The following CC2D1A variants were observed in gnomAD, a reference collection of about 807,000 sequenced individuals.
CC2D1A encodes the protein coiled-coil and C2 domain containing 1A.
In CC2D1A, 68 loss-of-function variants were observed where a neutral mutation model predicts 123.8. That is an observed-to-expected ratio of 0.55 (90% CI 0.45 to 0.67). The LOEUF (loss-of-function observed/expected upper bound fraction) is 0.67, where lower values mean the gene tolerates loss of function less well. Ranked by LOEUF, CC2D1A falls within the 30% of genes least tolerant of loss-of-function variation. CC2D1A has a pLI of 0.00. For missense variants in CC2D1A, 1,185 were observed against 1,290.3 expected, an observed-to-expected ratio of 0.92 and a Z score of 1.25; for synonymous variants, 477 against 528.0, an observed-to-expected ratio of 0.90 and a Z score of 1.32.
chr19:13,929,361 C>T lies in CC2D1A; in HGVS notation c.2520-18C>T, dbSNP rs762500427. On this transcript the variant is annotated intron_variant, in intron 24 of 28. Transcript: ENST00000318003. ...TGGGGGAATCTCTGCAGTCCCTTATCCTTCCTCCACCCCTTAGATCAGCCC... is the reference window on the plus strand; with the variant it reads ...TGGGGGAATCTCTGCAGTCCCTTATTCTTCCTCCACCCCTTAGATCAGCCC... 6.2e-7 allele frequency: 1 copy of T among 1,613,198 alleles called. No individual in the cohort carries two copies. The highest frequency in any genetic ancestry group is 8.5e-7 in the Non-Finnish European group (1 of 1,179,654).
rs112492656 is a variant in CC2D1A at position 13,923,872 on chromosome 19, C to T, written c.1940+61C>T. The stretch of plus-strand genomic sequence containing the variant: ...CAGTGGCCCTTTGGTGGCGGTGGGG[C>T]GGGTTGTGCTCCCCAGAAGCTGGCA... On this transcript the variant is annotated intron_variant, in intron 17 of 28. Coordinates refer to ENST00000318003, the MANE Select transcript of CC2D1A (RefSeq NM_017721.5). This position sits in a 1 kb window ranked among gnomAD's most constrained non-coding sequence, Gnocchi z 5.3. 4,649 of 1,269,564 alleles carry T rather than the reference C, an allele frequency of 3.7e-3. 116 individuals carry two copies. The African/African-American group carries it at 0.055, about 15-fold the overall frequency. 78.6% of individuals were successfully genotyped at this position (1,269,564 alleles called of 1,614,324 possible).
chr19:13,928,243 C>A, intron 24 of CC2D1A, 55 bp downstream of exon 24: 1 of 1,485,506 alleles, frequency 6.7e-7, no homozygotes, highest in South Asian at 1.2e-5. Flanking sequence ...CCTCTCAGCC[C>A]CACCTGGACA....
Position 13,919,819 on chromosome 19 carries a change from C to T in CC2D1A, c.1224C>T (p.Gly408=). The T allele has an allele frequency of 6.3e-7, 1 of 1,597,088 alleles. No homozygotes were observed. Among genetic ancestry groups the T allele is most frequent in the Non-Finnish European group, 8.6e-7 (1 of 1,168,804 alleles). ...ACCAGGCCTCGACTGGCCACCCAGGCTTCCCCCCAATCCAGGGCCTGGAGG... is the reference window on the plus strand; with the variant it reads ...ACCAGGCCTCGACTGGCCACCCAGGTTTCCCCCCAATCCAGGGCCTGGAGG... ...VDVAELPVPP[G]FPPIQGLEAT... is the part of the protein sequence containing the mutation. The change falls in exon 12 of 29, where the codon GGC becomes GGT. Residue 408 remains glycine, a splice_region_variant and synonymous_variant. Transcript: ENST00000318003.
At chr19:13,918,600 C>T (rs1568411068) in intron 8 of CC2D1A, 24 bp downstream of exon 8, 1 of 1,610,356 alleles carries the variant, frequency 6.2e-7, no homozygotes, top group East Asian at 2.2e-5. Context: ...CATGCCCACT[C>T]TCTGGGATGG....
chr19:13,926,000 G>GTATATATATATACGTATATATGTGTA (rs1971604860), intron 17 of CC2D1A, among the ~76,000 whole-genome samples: 1 of 71,718 alleles, frequency 1.4e-5, no homozygotes, highest in East Asian at 4.2e-4. Flanking sequence ...ATATATGTGT[G>GTATATATATATACGTATATATGTGTA]TATATATATA....
intron 20 of CC2D1A, 45 bp downstream of exon 20, chr19:13,926,917 G>A (rs755955674): frequency 6.2e-7 from 1 of 1,609,326 alleles, no homozygotes. Context: ...CCTTGCAGCA[G>A]AAGGGACATA....
Position 13,919,045 on chromosome 19 carries a change from G to GC in CC2D1A, c.1149+6dup. 6.2e-7 allele frequency: 1 copy of GC among 1,606,318 alleles called. No homozygotes were observed. On this transcript the variant is annotated splice_donor_region_variant and intron_variant, in intron 10 of 28. Transcript: ENST00000318003. ...GAATGCACGAGCGCATCGTCAAGGT[G>GC]CCCTGGGGGTTCCGGGGGAGGTGGG... is the stretch of plus-strand genomic sequence containing the variant.
Position 13,913,244 on chromosome 19 carries a change from A to G in CC2D1A, c.455A>G (p.Glu152Gly), listed in dbSNP as rs1297225816. 1 of 1,613,762 alleles carries G rather than the reference A, an allele frequency of 6.2e-7. No individual in the cohort carries two copies. Among genetic ancestry groups the G allele is most frequent in the Non-Finnish European group, 8.5e-7 (1 of 1,179,924 alleles). ...CTGGCGCTCTATCAGACAGCAATTG[A>G]AAGCGCCAGACAAGCTGGAGACAGC... ...ERLALYQTAI[E>G]SARQAGDSAK... The change falls in exon 5 of 29, where the codon GAA becomes GGA. Residue 152 changes from glutamate to glycine, a missense_variant. Coordinates refer to ENST00000318003, the MANE Select transcript of CC2D1A (RefSeq NM_017721.5).
chr19:13,926,404 C>A, intron 17 of CC2D1A, 113 bp from the exon 18 acceptor site: 1 of 881,326 alleles, frequency 1.1e-6, no homozygotes, highest in Non-Finnish European at 1.8e-6. Context: ...CCCCGAAGGC[C>A]AGGGTGGGGT....
chr19:13,912,714 GC>G, intron 4 of CC2D1A, 121 bp downstream of exon 4: 1 of 959,262 alleles, frequency 1.0e-6, no homozygotes, highest in Non-Finnish European at 1.6e-6. Context: ...GTGCAGTGGT[GC>G]CATCTCAGCT....
chr19:13,927,175 G>A lies in CC2D1A; in HGVS notation c.2226G>A (p.Gly742=). The change falls in exon 22 of 29, where the codon GGG becomes GGA. Residue 742 remains glycine (G), a splice_region_variant and synonymous_variant. Transcript: ENST00000318003. ...KGIKFEVVHK[G]GLFKTDRVLG... ...CCCCACTATACACACATGCACACAG[G>A]GGGCTGTTCAAGACTGACCGGGTGC... 1.2e-6 allele frequency: 2 copies of A among 1,613,986 alleles called. No individual in the cohort carries two copies. The highest frequency in any genetic ancestry group is 1.3e-5 in the African/African-American group (1 of 75,044).
At position 13,913,296 on chromosome 19, in the gene CC2D1A, G is replaced by A. The variant is rs1426174870; in HGVS notation, c.507G>A (p.Gly169=). ...DSAKMRRYDR[G]LKTLENLLAS... Reference sequence around the variant, plus strand: ...CCAAGATGCGGCGCTACGATCGGGGGCTTAAAGTAAGTGGGCAGAGGGCAG... The same window carrying A: ...CCAAGATGCGGCGCTACGATCGGGGACTTAAAGTAAGTGGGCAGAGGGCAG... Residue 169 remains glycine (G), a synonymous_variant, in exon 5 of 29, where the codon GGG becomes GGA. Transcript: ENST00000318003. The A allele has an allele frequency of 6.2e-6, 10 of 1,612,130 alleles. No homozygotes were observed. Among genetic ancestry groups the A allele is most frequent in the African/African-American group, 1.3e-5 (1 of 74,944 alleles).
Position 13,919,232 on chromosome 19 carries a change from A to C in CC2D1A, c.1222+30A>C, listed in dbSNP as rs770146337. On this transcript the variant is annotated intron_variant, in intron 11 of 28. Transcript: ENST00000318003. ...GCCTTGCCCCTGTAGGCCTCGCCCC[A>C]GTAGGCCCCGCCCCCGTAGGCCCCG... 128 of 1,553,864 alleles carry C rather than the reference A, an allele frequency of 8.2e-5. No homozygotes were observed. The African/African-American group carries it at 1.2e-3, about 14-fold the overall frequency.
intron 19 of CC2D1A, 33 bp from the exon 20 acceptor site, chr19:13,926,788 C>A: frequency 6.2e-7 from 1 of 1,613,982 alleles, no homozygotes; most frequent in Non-Finnish European, 8.5e-7. Flanking sequence ...GGTCCCAGGC[C>A]CCCTAGATTT....
At chr19:13,928,798 T>A (rs564795029) in intron 24 of CC2D1A, among the ~76,000 whole-genome samples, 1 of 144,790 alleles carries the variant, frequency 6.9e-6, no homozygotes, top group African/African-American at 2.6e-5. Flanking sequence ...AACCTCCGCC[T>A]CTGGGGTTCA....
intron 14 of CC2D1A, among the ~76,000 whole-genome samples, chr19:13,922,329 G>A (rs1971437627): frequency 6.6e-6 from 1 of 151,818 alleles, no homozygotes; most frequent in South Asian, 2.1e-4. Context: ...CCACCCCCTC[G>A]CTCACTCTTC....
Position 13,930,423 on chromosome 19 carries a change from A to G in CC2D1A, c.*28A>G, listed in dbSNP as rs1173891136. The stretch of plus-strand genomic sequence containing the variant: ...AGCCCATGGGGCGGGCAGCCCCCAG[A>G]AAGCGGGCAGCAGGCCCCGATACCG... On this transcript the variant is annotated 3_prime_UTR_variant, in exon 29 of 29. Coordinates refer to ENST00000318003, the MANE Select transcript of CC2D1A (RefSeq NM_017721.5). This position sits in a 1 kb window ranked among gnomAD's most constrained non-coding sequence, Gnocchi z 6.8. 1.3e-6 allele frequency: 2 copies of G among 1,589,028 alleles called. No homozygotes were observed. The highest frequency in any genetic ancestry group is 2.7e-5 in the African/African-American group (2 of 74,218).
intron 12 of CC2D1A, 85 bp from the exon 13 acceptor site, chr19:13,920,472 T>C: frequency 2.4e-6 from 2 of 837,766 alleles, no homozygotes; most frequent in South Asian, 2.9e-5. Flanking sequence ...ATGACCACTG[T>C]TGTCACCATC....
Position 13,930,570 on chromosome 19 carries a change from C to G in CC2D1A, c.*175C>G, listed in dbSNP as rs114039431. On this transcript the variant is annotated 3_prime_UTR_variant, in exon 29 of 29. Transcript: ENST00000318003. This position sits in a 1 kb window ranked among gnomAD's most constrained non-coding sequence, Gnocchi z 6.8. ...CCTCCGTGGCTGCGGGTGTTGGGAA[C>G]CATGCCTGCCAGCCAGTATGTGCCC... 3.6e-3 allele frequency: 2,510 copies of G among 701,268 alleles called. 14 individuals carry two copies. The highest frequency in any genetic ancestry group is 0.014 in the African/African-American group (797 of 55,718). 43.4% of individuals were successfully genotyped at this position (701,268 alleles called of 1,614,324 possible). A position where few individuals can be genotyped will look rare whatever the true frequency, so the allele number is the denominator to read the frequency against.
Sources: gnomAD v4.1 joint callset for allele counts (sites outside exome capture counted in the v4.1 genomes callset) on GRCh38, gnomAD v4.1.1 for gene constraint, Gnocchi (gnomAD v3.1) non-coding constraint, MANE v1.5 for transcripts, NCBI Gene and HGNC (gene_info 2026-07-23, HGNC 2026-07-21) for gene names.